TRAPPC9: variants seen among roughly 807,000 people sequenced by gnomAD.
The protein encoded by TRAPPC9 is trafficking protein particle complex subunit 9.
In TRAPPC9, 83 loss-of-function variants were observed where a neutral mutation model predicts 124.0. The ratio of observed to expected loss-of-function variants is 0.67; its 90% CI spans 0.56 to 0.80. TRAPPC9 has a LOEUF of 0.80. TRAPPC9 is among the 30% of genes least tolerant of loss of function. The pLI is 0.00. For synonymous variants in TRAPPC9, 638 were observed against 617.5 expected, an observed-to-expected ratio of 1.03 and a Z score of -0.49; for missense variants, 1,302 against 1,508.3, an observed-to-expected ratio of 0.86 and a Z score of 2.27.
At chr8:140,341,001 T>C (rs1026379149) in intron 9 of TRAPPC9, among the ~76,000 whole-genome samples, 1 of 152,140 alleles carries the variant, frequency 6.6e-6, no homozygotes, top group African/African-American at 2.4e-5. Flanking sequence ...TTCTAATCCT[T>C]ATGACAGCAC....
intron 21 of TRAPPC9, among the ~76,000 whole-genome samples, chr8:139,761,394 T>C (rs1586788721): frequency 6.6e-6 from 1 of 152,124 alleles, no homozygotes. Flanking sequence ...CCTGGCAAAT[T>C]TACCTTTGTA....
At position 140,412,803 on chromosome 8, in the gene TRAPPC9, C is replaced by A. The variant is rs148601395; in HGVS notation, c.887-7105G>T. On this transcript the variant is annotated intron_variant, in intron 5 of 22. Transcript: ENST00000438773. ...AAACTCATTAAGCTACAAAACAATTCTATTATATTAAAAACAGGATGTATT... is the reference window on the plus strand; with the variant it reads ...AAACTCATTAAGCTACAAAACAATTATATTATATTAAAAACAGGATGTATT... Among the ~76,000 whole-genome samples the A allele has an allele frequency of 5.2e-3, 791 of 152,172 alleles. 4 individuals are homozygous for A. Among genetic ancestry groups the A allele is most frequent in the Non-Finnish European group, 8.0e-3 (544 of 68,016 alleles).
chr8:140,282,371 C>T (rs965257365), intron 14 of TRAPPC9, among the ~76,000 whole-genome samples: 7 of 151,832 alleles, frequency 4.6e-5, no homozygotes, highest in Admixed American at 1.3e-4. Context: ...GGCGTGGTGG[C>T]GGGTACCTAT....
chr8:139,765,143 G>T (rs1397048639), intron 21 of TRAPPC9, among the ~76,000 whole-genome samples: 1 of 152,226 alleles, frequency 6.6e-6, no homozygotes, highest in Non-Finnish European at 1.5e-5. Context: ...GCACCCAAGG[G>T]TGGGGCTGCT....
intron 21 of TRAPPC9, among the ~76,000 whole-genome samples, chr8:139,867,611 G>C (rs371025941): frequency 2.0e-5 from 3 of 152,274 alleles, no homozygotes; most frequent in African/African-American, 4.8e-5. Context: ...AGAGATTGTG[G>C]GCCACCTGAT....
intron 15 of TRAPPC9, among the ~76,000 whole-genome samples, chr8:140,270,944 G>A (rs754583579): frequency 4.6e-5 from 7 of 152,222 alleles, no homozygotes; most frequent in Admixed American, 1.3e-4. Context: ...AGAAGCAGGT[G>A]AAGACTTTTG....
chr8:139,969,497 C>T (rs1835923597), intron 19 of TRAPPC9, among the ~76,000 whole-genome samples: 2 of 152,376 alleles, frequency 1.3e-5, no homozygotes, highest in South Asian at 2.1e-4. Flanking sequence ...GGCTCAGACA[C>T]ATCCTAGCAG....
At chr8:140,325,902 C>G (rs543328386) in intron 9 of TRAPPC9, among the ~76,000 whole-genome samples, 1 of 151,846 alleles carries the variant, frequency 6.6e-6, no homozygotes, top group Non-Finnish European at 1.5e-5. Flanking sequence ...GAAGAGAGAC[C>G]CCCCCAAAAA....
At chr8:139,918,343 C>G (rs1275888220) in intron 19 of TRAPPC9, among the ~76,000 whole-genome samples, 2 of 152,246 alleles carry the variant, frequency 1.3e-5, no homozygotes, top group East Asian at 3.9e-4. Flanking sequence ...CCTGGCTGGT[C>G]TCCCAGGGAG....
intron 18 of TRAPPC9, among the ~76,000 whole-genome samples, chr8:140,015,509 A>G (rs1359824862): frequency 1.3e-5 from 2 of 152,190 alleles, no homozygotes; most frequent in Non-Finnish European, 2.9e-5. Flanking sequence ...TGCAATTTAC[A>G]CAGGTCCCTA....
intron 17 of TRAPPC9, among the ~76,000 whole-genome samples, chr8:140,158,091 A>T (rs953675942): frequency 1.1e-4 from 16 of 152,212 alleles, no homozygotes; most frequent in African/African-American, 3.9e-4. Flanking sequence ...CCTAATATAT[A>T]CATCTTGGTG....
chr8:140,354,162 A>G (rs1467048340), intron 9 of TRAPPC9, among the ~76,000 whole-genome samples: 1 of 152,260 alleles, frequency 6.6e-6, no homozygotes, highest in Non-Finnish European at 1.5e-5. Flanking sequence ...AATATGTGCC[A>G]TTCTAAACCT....
rs184411344 is a variant in TRAPPC9, at chr8:139,971,904, G to A, written c.2810+16822C>T. 4.0e-5 allele frequency among the ~76,000 whole-genome samples: 6 copies of A among 151,356 alleles called. 1 individual carries two copies. The highest frequency in any genetic ancestry group is 4.4e-5 in the Non-Finnish European group (3 of 67,890). ...GAGTGCAGTGATGGCTCACTGCGAC[G>A]TCCACCTCCTGGGTTCAAGCGATTC... On this transcript the variant is annotated intron_variant, in intron 19 of 22. Coordinates refer to ENST00000438773, the MANE Select transcript of TRAPPC9 (RefSeq NM_001160372.4).
intron 18 of TRAPPC9, among the ~76,000 whole-genome samples, chr8:140,016,065 C>T (rs1344910578): frequency 6.6e-6 from 1 of 152,168 alleles, no homozygotes; most frequent in African/African-American, 2.4e-5. Flanking sequence ...ATCCTTCTTT[C>T]CTCAAGAATT....
chr8:139,999,591 C>T (rs1330579727), intron 18 of TRAPPC9, among the ~76,000 whole-genome samples: 1 of 152,022 alleles, frequency 6.6e-6, no homozygotes, highest in African/African-American at 2.4e-5. Flanking sequence ...TTAGTGAACA[C>T]TCCACCCACC....
At chr8:139,925,861 T>C (rs548370788) in intron 19 of TRAPPC9, among the ~76,000 whole-genome samples, 1 of 151,322 alleles carries the variant, frequency 6.6e-6, no homozygotes, top group South Asian at 2.1e-4. Flanking sequence ...CAGATTTACC[T>C]CTGAGTTATG....
At position 139,762,985 on chromosome 8, in the gene TRAPPC9, C is replaced by T. The variant is rs1327193292; in HGVS notation, c.3056-30783G>A. Among the ~76,000 whole-genome samples, 6 of 152,332 alleles carry T rather than the reference C, an allele frequency of 3.9e-5. No individual in the cohort carries two copies. In the East Asian group the frequency reaches 7.7e-4, roughly 20 times the overall value. On this transcript the variant is annotated intron_variant, in intron 21 of 22. Coordinates refer to ENST00000438773, the MANE Select transcript of TRAPPC9 (RefSeq NM_001160372.4). ...CTGAGAATGAGGCTGCAGCTGCAGC[C>T]GGGGCAGGGCCAGTGCTCACCCTGG...
At chr8:139,838,891 T>C (rs530234762) in intron 21 of TRAPPC9, among the ~76,000 whole-genome samples, 1 of 152,338 alleles carries the variant, frequency 6.6e-6, no homozygotes, top group East Asian at 1.9e-4. Context: ...GGGCCTCACC[T>C]GGATGTTACC....
At chr8:140,417,203 A>C (rs11774071) in intron 5 of TRAPPC9, among the ~76,000 whole-genome samples, 42,552 of 152,106 alleles carry the variant, frequency 0.28, 6,872 homozygotes, top group South Asian at 0.44. Flanking sequence ...AAAAGCCAAA[A>C]TTGAGAAATG....
Sources: gnomAD v4.1 joint callset for allele counts (sites outside exome capture counted in the v4.1 genomes callset) on GRCh38, gnomAD v4.1.1 for gene constraint, MANE v1.5 for transcripts, NCBI Gene and HGNC (gene_info 2026-07-23, HGNC 2026-07-21) for gene names.